GOLGB1: variants seen among roughly 807,000 people sequenced by gnomAD.
GOLGB1 encodes the protein golgin subfamily B member 1.
Under a neutral mutation model 336.9 loss-of-function variants are expected in GOLGB1, and 174 were observed. The observed-to-expected ratio is 0.52, with a 90% CI of 0.46 to 0.59. The LOEUF (loss-of-function observed/expected upper bound fraction) is 0.59. Among genes scored for constraint, GOLGB1 ranks in the 20% least tolerant of loss-of-function variants. The pLI, the probability that GOLGB1 is intolerant of heterozygous loss-of-function variation, is 0.00. For synonymous variants in GOLGB1, 1,208 were observed against 1,289.2 expected (o/e 0.94, Z 1.35); for missense variants, 3,331 against 3,645.3 (o/e 0.91, Z 2.22).
At position 121,729,230 on chromosome 3, in the gene GOLGB1, A is replaced by G. The variant is rs1355539964; in HGVS notation, c.360T>C (p.Thr120=). Residue 120 remains threonine (T), a synonymous_variant, in exon 4 of 22, where the codon ACT becomes ACC. Coordinates refer to ENST00000614479, the MANE Select transcript of GOLGB1 (RefSeq NM_001366282.2). ...YIEEMKAQGG[T]VLPTEPQSEE... The stretch of plus-strand genomic sequence containing the variant: ...CTGACTGAGGTTCTGTAGGCAGAAC[A>G]GTCCCTCCTTGTGCTTTCATTTCTT... The G allele has an allele frequency of 6.2e-7, 1 of 1,612,942 alleles. No homozygotes were observed.
intron 17 of GOLGB1, among the ~76,000 whole-genome samples, chr3:121,676,176 C>G (rs1403888664): frequency 6.6e-6 from 1 of 152,234 alleles, no homozygotes; most frequent in South Asian, 2.1e-4. Flanking sequence ...TCTACATATG[C>G]AGGCACTGTG....
In GOLGB1 at chr3:121,729,946, A is replaced by G; in HGVS notation, c.168T>C (p.Tyr56=). 6.2e-7 allele frequency: 1 copy of G among 1,609,756 alleles called. No homozygotes were observed. Among genetic ancestry groups the G allele is most frequent in the Non-Finnish European group, 8.5e-7 (1 of 1,176,026 alleles). Residue 56 remains tyrosine (Y), a synonymous_variant, in exon 3 of 22, where the codon TAT becomes TAC. Coordinates refer to ENST00000614479, the MANE Select transcript of GOLGB1 (RefSeq NM_001366282.2). ...TTAGCTCCACCACCAATTGCTCTGC[A>G]TAAGCCAGGCGCTCCTGAACATCTT... ...TQEDVQERLA[Y]AEQLVVELKD... is the part of the protein sequence containing the mutation.
At chr3:121,715,573 T>C (rs1576410557) in intron 9 of GOLGB1, among the ~76,000 whole-genome samples, 1 of 151,012 alleles carries the variant, frequency 6.6e-6, no homozygotes, top group East Asian at 1.9e-4. Context: ...TTTAGGGTTT[T>C]TGTTTTCTTC....
intron 14 of GOLGB1, among the ~76,000 whole-genome samples, chr3:121,690,303 G>A (rs1413607146): frequency 1.3e-5 from 2 of 152,138 alleles, no homozygotes; most frequent in African/African-American, 4.8e-5. Flanking sequence ...ACTGTAAGAA[G>A]GCACTAAGTG....
At chr3:121,673,355 CA>C (rs1466625908) in intron 17 of GOLGB1, among the ~76,000 whole-genome samples, 3 of 151,032 alleles carry the variant, frequency 2.0e-5, no homozygotes, top group Non-Finnish European at 4.4e-5. Context: ...AGGCATAAGC[CA>C]CCACACTCGA....
rs1338651162 is a variant in GOLGB1, at chr3:121,694,783, T to C, written c.5740A>G (p.Thr1914Ala). Residue 1914 changes from threonine to alanine, a missense_variant, in exon 13 of 22, where the codon ACC becomes GCC. Transcript: ENST00000614479. ...TCTTCTGCTGTCTCCTTTAGTTTGG[T>C]AACTCTGGAGAGTTCTTCTTGGATT... The part of the protein sequence containing the change: ...QQIQEELSRV[T>A]KLKETAEEEK... 3 of 1,613,052 alleles carry C rather than the reference T, an allele frequency of 1.9e-6. No individual in the cohort carries two copies. Among genetic ancestry groups the C allele is most frequent in the Admixed American group, 3.3e-5 (2 of 60,028 alleles).
chr3:121,703,412 A>G (rs775365887), intron 10 of GOLGB1, among the ~76,000 whole-genome samples: 5 of 152,234 alleles, frequency 3.3e-5, no homozygotes, highest in Admixed American at 6.5e-5. Context: ...TTCTGGCTTG[A>G]AGAATGAGAA....
chr3:121,726,682 C>T (rs1274120613), intron 5 of GOLGB1, among the ~76,000 whole-genome samples: 1 of 151,508 alleles, frequency 6.6e-6, no homozygotes, highest in Non-Finnish European at 1.5e-5. Flanking sequence ...TATGTGAAAC[C>T]ATATATTGAA....
At chr3:121,743,668 A>C (rs1576493979) in intron 1 of GOLGB1, among the ~76,000 whole-genome samples, 1 of 152,210 alleles carries the variant, frequency 6.6e-6, no homozygotes, top group Non-Finnish European at 1.5e-5. Flanking sequence ...TTATAAATAC[A>C]CATATTTCCA....
At chr3:121,728,516 G>C (rs1030450076) in intron 4 of GOLGB1, among the ~76,000 whole-genome samples, 1 of 152,198 alleles carries the variant, frequency 6.6e-6, no homozygotes, top group Non-Finnish European at 1.5e-5. Context: ...GAAGTTTCTT[G>C]TTCTCTAAAT....
chr3:121,708,971 A>C (rs1233379893), intron 10 of GOLGB1, among the ~76,000 whole-genome samples: 1 of 152,198 alleles, frequency 6.6e-6, no homozygotes, highest in Non-Finnish European at 1.5e-5. Context: ...CAAGACATTT[A>C]CTTTAAAGAA....
At chr3:121,664,758 A>G (rs1938360734) in intron 21 of GOLGB1, 144 bp from the exon 22 acceptor site, 1 of 871,844 alleles carries the variant, frequency 1.1e-6, no homozygotes, top group Admixed American at 2.2e-5. Context: ...CAGAGTCAAC[A>G]ACTTGGCAAA....
rs1576451372 is a variant in GOLGB1 at position 121,729,029 on chromosome 3, C to T, written c.402+159G>A. On this transcript the variant is annotated intron_variant, in intron 4 of 21. Coordinates refer to ENST00000614479, the MANE Select transcript of GOLGB1 (RefSeq NM_001366282.2). The stretch of plus-strand genomic sequence containing the variant: ...TTTCATTCTCCCTGTGTGTGGCCTA[C>T]AGTCCAGCTGAACTACAAGCTCTAT... 4 of 474,138 alleles carry T rather than the reference C, an allele frequency of 8.4e-6. No individual in the cohort carries two copies. The East Asian group carries it at 1.4e-4, about 16-fold the overall frequency. 29.4% of individuals were successfully genotyped at this position (474,138 alleles called of 1,614,324 possible).
chr3:121,688,780 G>A (rs1331567603), intron 14 of GOLGB1, among the ~76,000 whole-genome samples: 4 of 151,120 alleles, frequency 2.6e-5, no homozygotes, highest in African/African-American at 7.3e-5. Flanking sequence ...GAGATGTGGA[G>A]AGCGCCTCTG....
At chr3:121,717,277 G>T in intron 8 of GOLGB1, 138 bp from the exon 9 acceptor site, 2 of 691,442 alleles carry the variant, frequency 2.9e-6, no homozygotes, top group Non-Finnish European at 2.4e-6. Flanking sequence ...TCTCAAGAAG[G>T]AGAGTTGAAA....
intron 14 of GOLGB1, among the ~76,000 whole-genome samples, chr3:121,683,081 T>TTTTTTTTTTTTTTTTTTTTC (rs1553856330): frequency 8.0e-6 from 1 of 125,280 alleles, no homozygotes; most frequent in Non-Finnish European, 1.7e-5. Flanking sequence ...TTTTTTTTTT[T>TTTTTTTTTTTTTTTTTTTTC]TGGAGAGACG....
At chr3:121,715,310 C>A (rs1206993270) in intron 9 of GOLGB1, among the ~76,000 whole-genome samples, 1 of 149,052 alleles carries the variant, frequency 6.7e-6, no homozygotes, top group Non-Finnish European at 1.5e-5. Flanking sequence ...TTCAAGGATT[C>A]TCTTGCCTCA....
At chr3:121,715,204 C>CTTTTTTT (rs1391088214) in intron 9 of GOLGB1, among the ~76,000 whole-genome samples, 1 of 133,612 alleles carries the variant, frequency 7.5e-6, no homozygotes. Flanking sequence ...GGCCTAGGCA[C>CTTTTTTT]TTTTTTTTTT....
intron 20 of GOLGB1, among the ~76,000 whole-genome samples, chr3:121,666,731 C>A (rs1938673230): frequency 6.6e-6 from 1 of 152,138 alleles, no homozygotes; most frequent in Non-Finnish European, 1.5e-5. Flanking sequence ...TGGCTTTCTC[C>A]CAAAATATAA....
Sources: gnomAD v4.1 joint callset for allele counts (sites outside exome capture counted in the v4.1 genomes callset) on GRCh38, gnomAD v4.1.1 for gene constraint, MANE v1.5 for transcripts, NCBI Gene and HGNC (gene_info 2026-07-23, HGNC 2026-07-21) for gene names.